The following CPLX2 variants were observed in gnomAD, a reference collection of about 807,000 sequenced individuals.
CPLX2 encodes the protein complexin 2, also known as complexin-2.
In CPLX2, 5 loss-of-function variants were observed where a neutral mutation model predicts 16.3. The ratio of observed to expected loss-of-function variants is 0.31; its 90% confidence interval spans 0.16 to 0.64. The LOEUF is 0.64. Ranked by LOEUF, CPLX2 falls within the 30% of genes least tolerant of loss-of-function variation. CPLX2 has a pLI of 0.79. For missense variants in CPLX2, 144 were observed against 181.4 expected (o/e 0.79, Z 1.18); for synonymous variants, 89 against 73.2 (o/e 1.22, Z -1.10).
At chr5:175,801,642 T>C (rs947340290) in intron 1 of CPLX2, among the ~76,000 whole-genome samples, 7 of 152,074 alleles carry the variant, frequency 4.6e-5, no homozygotes, top group African/African-American at 1.7e-4. Flanking sequence ...ACGATGAGAG[T>C]CCAAAGACTT....
chr5:175,869,249 A>G (rs1759535132), upstream of CPLX2, among the ~76,000 whole-genome samples: 1 of 152,220 alleles, frequency 6.6e-6, no homozygotes. Context: ...CCTATTCGCC[A>G]GTGAGATTTT....
chr5:175,818,650 C>CTTTTTTTTTTTTTTT (rs70988300), intron 2 of CPLX2, among the ~76,000 whole-genome samples: 1 of 50,808 alleles, frequency 2.0e-5, no homozygotes, highest in Non-Finnish European at 3.5e-5. Flanking sequence ...CTGTCCCAAC[C>CTTTTTTTTTTTTTTT]TTTTTTTTTT....
intron 2 of CPLX2, among the ~76,000 whole-genome samples, chr5:175,860,031 C>T (rs1759332012): frequency 6.6e-6 from 1 of 152,206 alleles, no homozygotes; most frequent in Non-Finnish European, 1.5e-5. Flanking sequence ...AGAGCCGGGA[C>T]CTGGGCCCTC....
At chr5:175,802,863 G>A (rs1284145250) in intron 1 of CPLX2, among the ~76,000 whole-genome samples, 5 of 149,460 alleles carry the variant, frequency 3.3e-5, no homozygotes, top group African/African-American at 9.9e-5. Flanking sequence ...ACAGAGTCTC[G>A]CTCTGTCACC....
At chr5:175,806,036 T>C (rs1050232952) in intron 1 of CPLX2, among the ~76,000 whole-genome samples, 1 of 152,114 alleles carries the variant, frequency 6.6e-6, no homozygotes, top group Non-Finnish European at 1.5e-5. Context: ...GCACCCCAGA[T>C]TCCCCACCTT....
At chr5:175,869,590 C>T (rs577858995), upstream of CPLX2, among the ~76,000 whole-genome samples, 1 of 152,310 alleles carries the variant, frequency 6.6e-6, no homozygotes, top group South Asian at 2.1e-4. Flanking sequence ...TTAGCATCTA[C>T]TTTGCCAGGC....
At chr5:175,834,378 G>A (rs964466801) in intron 2 of CPLX2, among the ~76,000 whole-genome samples, 1 of 152,170 alleles carries the variant, frequency 6.6e-6, no homozygotes, top group African/African-American at 2.4e-5. Context: ...GGGCCCGGGT[G>A]CCAGGCTCTG....
rs78041813 is a variant in CPLX2 at position 175,878,510 on chromosome 5, C to T, written c.-88-142C>T. The T allele has an allele frequency of 7.3e-4, 437 of 596,184 alleles. 4 individuals are homozygous for T. In the African/African-American group the frequency reaches 7.4e-3, roughly 10 times the overall value. 36.9% of individuals were successfully genotyped at this position (596,184 alleles called of 1,614,324 possible). ...TAAATCGCTCTCTTCCATCTCCTTT[C>T]TCCTCCAGCAGGGCATTGGGTCTTG... On this transcript the variant is annotated intron_variant, in intron 1 of 3. Transcript: ENST00000393745.
At position 175,880,972 on chromosome 5, in the gene CPLX2, A is replaced by G. The variant is rs1281394116; in HGVS notation, c.*927A>G. Reference sequence around the variant, plus strand: ...GCGCTTCCAGGGCCCCACGGTCCCCAGGAGGACGCTTCCTGGCCAAAGCCC... The same window carrying G: ...GCGCTTCCAGGGCCCCACGGTCCCCGGGAGGACGCTTCCTGGCCAAAGCCC... On this transcript the variant is annotated 3_prime_UTR_variant, in exon 4 of 4. Coordinates refer to ENST00000393745, the MANE Select transcript of CPLX2 (RefSeq NM_001008220.2). 6.6e-6 allele frequency: 1 copy of G among 152,324 alleles called. No homozygotes were observed. The highest frequency in any genetic ancestry group is 1.9e-4 in the East Asian group (1 of 5,178). The allele number at this position is 152,324 out of a possible 1,614,324, so 9.4% of individuals were successfully genotyped here.
intron 2 of CPLX2, among the ~76,000 whole-genome samples, chr5:175,844,850 T>C (rs1759012792): frequency 6.6e-6 from 1 of 152,234 alleles, no homozygotes; most frequent in African/African-American, 2.4e-5. Flanking sequence ...AACAGCACGT[T>C]TGTAAACTCC....
Position 175,879,900 on chromosome 5 carries a change from A to G in CPLX2, c.260A>G (p.Glu87Gly), listed in dbSNP as rs1755528308. Reference sequence around the variant, plus strand: ...GAAGCAGAGGAGAAAGCAGCCCTGGAGCAGCCCTGCGAGGGGAGCCTGACC... The same window carrying G: ...GAAGCAGAGGAGAAAGCAGCCCTGGGGCAGCCCTGCGAGGGGAGCCTGACC... ...EKEAEEKAAL[E>G]QPCEGSLTRP... Residue 87 changes from glutamate to glycine, a missense_variant, in exon 4 of 4, where the codon GAG becomes GGG. By Grantham distance (98) the Glu-to-Gly change is moderately conservative (BLOSUM62 -2). Coordinates refer to ENST00000393745, the MANE Select transcript of CPLX2 (RefSeq NM_001008220.2). The G allele has an allele frequency of 6.2e-7, 1 of 1,613,692 alleles. No homozygotes were observed. The highest frequency in any genetic ancestry group is 8.5e-7 in the Non-Finnish European group (1 of 1,179,862).
intron 2 of CPLX2, among the ~76,000 whole-genome samples, chr5:175,829,549 C>G (rs1758692488): frequency 6.6e-6 from 1 of 152,146 alleles, no homozygotes; most frequent in Non-Finnish European, 1.5e-5. Context: ...TTTGGAGAAG[C>G]CACTTGCCCT....
At chr5:175,814,181 C>T (rs1196878213) in intron 2 of CPLX2, among the ~76,000 whole-genome samples, 3 of 152,214 alleles carry the variant, frequency 2.0e-5, no homozygotes, top group African/African-American at 7.2e-5. Context: ...CCATGCTGGG[C>T]CCAGAGGCAG....
intron 2 of CPLX2, among the ~76,000 whole-genome samples, chr5:175,814,762 T>A (rs1332349709): frequency 6.6e-6 from 1 of 151,598 alleles, no homozygotes; most frequent in Admixed American, 6.6e-5. Flanking sequence ...GCACAAGGGG[T>A]CTGGAAGCAG....
chr5:175,817,836 A>G (rs1256398150), intron 2 of CPLX2, among the ~76,000 whole-genome samples: 1 of 152,182 alleles, frequency 6.6e-6, no homozygotes, highest in Non-Finnish European at 1.5e-5. Flanking sequence ...CCCATCACAC[A>G]TGGGAGACAG....
chr5:175,836,824 G>C (rs1284609575), intron 2 of CPLX2, among the ~76,000 whole-genome samples: 1 of 152,196 alleles, frequency 6.6e-6, no homozygotes, highest in Non-Finnish European at 1.5e-5. Context: ...CATCGTCCCA[G>C]CTGATCCTTG....
At chr5:175,850,005 A>G (rs1219201119) in intron 2 of CPLX2, among the ~76,000 whole-genome samples, 1 of 152,242 alleles carries the variant, frequency 6.6e-6, no homozygotes, top group East Asian at 1.9e-4. Flanking sequence ...GGAGCCACAT[A>G]CACAGAAGTC....
intron 2 of CPLX2, among the ~76,000 whole-genome samples, chr5:175,825,541 A>T (rs1758597143): frequency 1.3e-5 from 2 of 152,076 alleles, no homozygotes; most frequent in African/African-American, 4.8e-5. Context: ...GTCTCTGGGG[A>T]TCTCCTGGGT....
chr5:175,799,143 T>A (rs1400739179), intron 1 of CPLX2, among the ~76,000 whole-genome samples: 2 of 152,212 alleles, frequency 1.3e-5, no homozygotes, highest in African/African-American at 4.8e-5. Flanking sequence ...GTCCACTACC[T>A]ACAGTGGGCT....
Sources: gnomAD v4.1 joint callset for allele counts (sites outside exome capture counted in the v4.1 genomes callset) on GRCh38, gnomAD v4.1.1 for gene constraint, MANE v1.5 for transcripts, NCBI Gene and HGNC (gene_info 2026-07-23, HGNC 2026-07-21) for gene names.